The following EXOC4 variants were observed in gnomAD, a reference collection of about 807,000 sequenced individuals.
EXOC4 encodes exocyst complex component 4.
In EXOC4, 71 loss-of-function variants were observed where a neutral mutation model predicts 107.2. The ratio of observed to expected loss-of-function variants is 0.66; its 90% CI spans 0.55 to 0.81. The LOEUF (loss-of-function observed/expected upper bound fraction) is 0.81, where lower values mean the gene tolerates loss of function less well. EXOC4 is among the 30% of genes least tolerant of loss of function. EXOC4 has a pLI of 0.00. For synonymous variants in EXOC4, 456 were observed against 441.2 expected (o/e 1.03, Z -0.42); for missense variants, 1,108 against 1,189.6 (o/e 0.93, Z 1.01).
At chr7:133,438,878 T>C (rs903146942) in intron 7 of EXOC4, among the ~76,000 whole-genome samples, 1 of 152,244 alleles carries the variant, frequency 6.6e-6, no homozygotes, top group African/African-American at 2.4e-5. Flanking sequence ...AAAACTTGAT[T>C]ACCTGTTGCT....
intron 10 of EXOC4, among the ~76,000 whole-genome samples, chr7:133,800,229 G>A (rs921978545): frequency 1.3e-5 from 2 of 152,120 alleles, no homozygotes; most frequent in African/African-American, 4.8e-5. Flanking sequence ...TTATCCAGTT[G>A]TCATTCCTTT....
At chr7:133,481,403 C>T (rs1337095603) in intron 9 of EXOC4, among the ~76,000 whole-genome samples, 1 of 151,884 alleles carries the variant, frequency 6.6e-6, no homozygotes. Flanking sequence ...TGTCTTGATG[C>T]GTTGGGCTCA....
intron 10 of EXOC4, among the ~76,000 whole-genome samples, chr7:133,701,518 A>C (rs1794655455): frequency 6.6e-6 from 1 of 152,156 alleles, no homozygotes; most frequent in African/African-American, 2.4e-5. Flanking sequence ...TCCAATGGAT[A>C]CCTGAATCCA....
intron 7 of EXOC4, among the ~76,000 whole-genome samples, chr7:133,455,587 G>T (rs1798445367): frequency 6.6e-6 from 1 of 152,170 alleles, no homozygotes; most frequent in Non-Finnish European, 1.5e-5. Flanking sequence ...ATTATAGAGA[G>T]TTCTAGGCTT....
the EXOC4 span, among the ~76,000 whole-genome samples, chr7:134,097,739 C>G: frequency 1.3e-5 from 2 of 152,122 alleles, no homozygotes; most frequent in South Asian, 4.1e-4. Flanking sequence ...ATCCATAAGA[C>G]CCTTCTCCTC....
At chr7:133,606,517 A>ATTATT (rs781270561) in intron 9 of EXOC4, among the ~76,000 whole-genome samples, 6 of 136,932 alleles carry the variant, frequency 4.4e-5, no homozygotes, top group African/African-American at 1.5e-4. Flanking sequence ...TATTATTATT[A>ATTATT]TTTTTTTTTT....
chr7:133,573,974 T>C (rs1801076748), intron 9 of EXOC4, among the ~76,000 whole-genome samples: 1 of 152,222 alleles, frequency 6.6e-6, no homozygotes, highest in African/African-American at 2.4e-5. Flanking sequence ...ATACCTTTGG[T>C]TACATGTTAT....
At chr7:133,424,240 C>G (rs561967967) in intron 7 of EXOC4, among the ~76,000 whole-genome samples, 4 of 152,184 alleles carry the variant, frequency 2.6e-5, no homozygotes, top group African/African-American at 7.2e-5. Flanking sequence ...GGGTGCCTGC[C>G]GCCTTTATGA....
chr7:133,514,248 T>G (rs1441285434), intron 9 of EXOC4, among the ~76,000 whole-genome samples: 1 of 151,938 alleles, frequency 6.6e-6, no homozygotes, highest in Non-Finnish European at 1.5e-5. Flanking sequence ...CACTGCAGCC[T>G]CCACCTCCCC....
chr7:133,896,829 C>G, intron 12 of EXOC4, among the ~76,000 whole-genome samples: 1 of 86,958 alleles, frequency 1.1e-5, no homozygotes, highest in Non-Finnish European at 2.1e-5. Context: ...CCATGTCTGG[C>G]TATTTTTGTA....
intron 9 of EXOC4, among the ~76,000 whole-genome samples, chr7:133,499,810 C>T (rs750151228): frequency 6.6e-6 from 1 of 152,150 alleles, no homozygotes; most frequent in Non-Finnish European, 1.5e-5. Context: ...CCTCTTTACC[C>T]TCTGCCATAA....
chr7:133,997,216 G>A (rs907642350), intron 14 of EXOC4, among the ~76,000 whole-genome samples: 7 of 152,176 alleles, frequency 4.6e-5, no homozygotes, highest in African/African-American at 1.7e-4. Flanking sequence ...TTCTGTTTCT[G>A]TAGGTTGGTG....
intron 5 of EXOC4, among the ~76,000 whole-genome samples, chr7:133,352,138 A>AGT (rs1188153768): frequency 6.6e-6 from 1 of 151,714 alleles, no homozygotes; most frequent in African/African-American, 2.4e-5. Context: ...ACTTGAGAAG[A>AGT]GTGTGTGTGT....
chr7:134,041,053 T>A (rs1382441857), intron 17 of EXOC4, among the ~76,000 whole-genome samples: 1 of 152,202 alleles, frequency 6.6e-6, no homozygotes, highest in Non-Finnish European at 1.5e-5. Flanking sequence ...CCCACCAAAT[T>A]TGCATATAGC....
At chr7:133,390,113 G>A (rs1189945987) in intron 7 of EXOC4, among the ~76,000 whole-genome samples, 2 of 152,154 alleles carry the variant, frequency 1.3e-5, no homozygotes. Flanking sequence ...GATCATGGGG[G>A]ACCAGGGGAG....
intron 5 of EXOC4, among the ~76,000 whole-genome samples, chr7:133,318,890 C>T (rs1795048105): frequency 6.6e-6 from 1 of 152,192 alleles, no homozygotes; most frequent in Non-Finnish European, 1.5e-5. Flanking sequence ...ATAGTTTGTA[C>T]TCCAGCCTCT....
chr7:133,797,205 A>G (rs1796835437), intron 10 of EXOC4, among the ~76,000 whole-genome samples: 1 of 152,198 alleles, frequency 6.6e-6, no homozygotes, highest in South Asian at 2.1e-4. Flanking sequence ...TTGCATAAAG[A>G]TGGGGCCCAT....
intron 6 of EXOC4, among the ~76,000 whole-genome samples, chr7:133,371,265 C>T (rs1329010490): frequency 6.6e-6 from 1 of 152,142 alleles, no homozygotes; most frequent in Non-Finnish European, 1.5e-5. Flanking sequence ...CACTGCTGCA[C>T]GATTCACCTA....
Position 133,469,143 on chromosome 7 carries a change from C to T in EXOC4, c.1183-6185C>T, listed in dbSNP as rs541491402. Among the ~76,000 whole-genome samples the T allele has an allele frequency of 1.1e-3, 169 of 152,228 alleles. 1 individual carries two copies. Among genetic ancestry groups the T allele is most frequent in the Middle Eastern group, 6.8e-3 (2 of 294 alleles). ...AGTAGTCAAGAAAATTGGGGCAGGA[C>T]GCAGTGGCTCACGCCTGTAATCCCA... On this transcript the variant is annotated intron_variant, in intron 7 of 17. Transcript: ENST00000253861.
Sources: gnomAD v4.1 joint callset for allele counts (sites outside exome capture counted in the v4.1 genomes callset) on GRCh38, gnomAD v4.1.1 for gene constraint, MANE v1.5 for transcripts, NCBI Gene and HGNC (gene_info 2026-07-23, HGNC 2026-07-21) for gene names.